Variants in DAAM2 observed in about 807,000 individuals in gnomAD.
The protein encoded by DAAM2 is dishevelled associated activator of morphogenesis 2.
A neutral mutation model predicts 120.7 loss-of-function variants in DAAM2; 39 were observed. That is an observed-to-expected ratio of 0.32 (90% CI 0.25 to 0.42). DAAM2 has a LOEUF of 0.42. Ranked by LOEUF, DAAM2 falls within the 10% of genes least tolerant of loss-of-function variation. The pLI is 1.00. For missense variants in DAAM2, 1,283 were observed against 1,401.7 expected, an observed-to-expected ratio of 0.92 and a Z score of 1.35; for synonymous variants, 488 against 524.9, an observed-to-expected ratio of 0.93 and a Z score of 0.96.
At chr6:39,879,866 A>G (rs1227976275) in intron 14 of DAAM2, 1 of 352,482 alleles carries the variant, frequency 2.8e-6, no homozygotes, top group Non-Finnish European at 5.4e-6. Flanking sequence ...GATCAGGACA[A>G]TGTATACAAA....
chr6:39,849,046 T>C (rs951939565), intron 1 of DAAM2: 1 of 152,212 alleles, frequency 6.6e-6, no homozygotes, highest in Non-Finnish European at 1.5e-5. Context: ...GTACGATATA[T>C]TAAGTGGAAT....
intron 15 of DAAM2, chr6:39,885,197 T>C (rs1765321892): frequency 6.6e-6 from 1 of 152,214 alleles, no homozygotes; most frequent in Non-Finnish European, 1.5e-5. Flanking sequence ...ATGCAGCCGC[T>C]CCTAGGGCTC....
intron 1 of DAAM2, 44 bp from the exon 2 acceptor site, chr6:39,856,201 ATC>A (rs1763994544): frequency 1.5e-6 from 2 of 1,335,514 alleles, no homozygotes; most frequent in Middle Eastern, 2.8e-4. Flanking sequence ...GCCCTGGCCT[ATC>A]TGACTGTATG....
intron 19 of DAAM2, among the ~76,000 whole-genome samples, chr6:39,894,118 G>C (rs569916485): frequency 6.6e-6 from 1 of 152,046 alleles, no homozygotes; most frequent in Non-Finnish European, 1.5e-5. Context: ...GATGAATATG[G>C]TTGCAAATGT....
chr6:39,875,735 A>T (rs145407629), intron 11 of DAAM2, among the ~76,000 whole-genome samples: 1 of 152,312 alleles, frequency 6.6e-6, no homozygotes, highest in African/African-American at 2.4e-5. Context: ...TTTCATTTAA[A>T]TTTCAATAGC....
intron 1 of DAAM2, among the ~76,000 whole-genome samples, chr6:39,840,707 G>A (rs539363696): frequency 2.0e-5 from 3 of 152,152 alleles, no homozygotes; most frequent in Non-Finnish European, 4.4e-5. Flanking sequence ...CAGACATCCA[G>A]GGTCTGCACC....
At chr6:39,836,157 C>G (rs1284273638) in intron 1 of DAAM2, among the ~76,000 whole-genome samples, 1 of 152,130 alleles carries the variant, frequency 6.6e-6, no homozygotes, top group Non-Finnish European at 1.5e-5. Flanking sequence ...CAGACCTCCC[C>G]CCTGTGCAGA....
At chr6:39,818,721 T>C (rs1762388967) in intron 1 of DAAM2, 1 of 152,240 alleles carries the variant, frequency 6.6e-6, no homozygotes, top group Non-Finnish European at 1.5e-5. Flanking sequence ...AAGTATGCCT[T>C]GCAATTAATT....
chr6:39,867,897 C>T (rs1764496773), intron 6 of DAAM2, 54 bp downstream of exon 6: 1 of 1,430,790 alleles, frequency 7.0e-7, no homozygotes, highest in African/African-American at 1.4e-5. Flanking sequence ...GAGGATGTCA[C>T]ATGTGAGTGA....
chr6:39,901,456 C>T lies in DAAM2; in HGVS notation c.2966C>T (p.Ala989Val), dbSNP rs755311083. 1.1e-4 allele frequency: 170 copies of T among 1,607,974 alleles called. 1 individual carries two copies. The highest frequency in any genetic ancestry group is 5.2e-4 in the Middle Eastern group (3 of 5,788). The change falls in exon 24 of 25, where the codon GCG becomes GTG. Residue 989 changes from alanine (A) to valine (V), a missense_variant. Physicochemically the swap from Ala to Val is moderately conservative, Grantham distance 64. Transcript: ENST00000274867. The surrounding 1 kb of genome is among the most constrained non-coding windows in gnomAD (Gnocchi z 4.5). ...RRRKEEEERR[A>V]RMEAMLKEQR... Reference sequence around the variant, plus strand: ...AGGAAGGAGGAGGAGGAGCGGCGGGCGCGCATGGAAGCCATGGTGAGGGGC... The same window carrying T: ...AGGAAGGAGGAGGAGGAGCGGCGGGTGCGCATGGAAGCCATGGTGAGGGGC...
At chr6:39,806,246 C>T (rs1762006725) in intron 1 of DAAM2, among the ~76,000 whole-genome samples, 1 of 152,190 alleles carries the variant, frequency 6.6e-6, no homozygotes, top group African/African-American at 2.4e-5. Context: ...TAGGATGCCT[C>T]TTTCTCATTT....
rs775260776 is a variant in DAAM2, at chr6:39,879,545, C to G, written c.1845+68C>G. The G allele has an allele frequency of 8.8e-6, 14 of 1,598,834 alleles. No individual in the cohort carries two copies. The East Asian group carries it at 2.9e-4, about 33-fold the overall frequency. On this transcript the variant is annotated intron_variant, in intron 14 of 24. Coordinates refer to ENST00000274867, the MANE Select transcript of DAAM2 (RefSeq NM_001201427.2). ...CAGGGCAGTCAGCCTCAGGGACCAC[C>G]CGCCCCTTGTTTACAGATCTCCACT...
Position 39,887,690 on chromosome 6 carries a change from C to T in DAAM2, c.2060+98C>T, listed in dbSNP as rs1473036081. The T allele has an allele frequency of 2.6e-5, 21 of 794,416 alleles. No individual in the cohort carries two copies. The Admixed American group carries it at 4.4e-4, about 17-fold the overall frequency. The allele number at this position is 794,416 out of a possible 1,614,324, so 49.2% of individuals were successfully genotyped here. A position where few individuals can be genotyped will look rare whatever the true frequency, so the allele number is the denominator to read the frequency against. On this transcript the variant is annotated intron_variant, in intron 16 of 24. Transcript: ENST00000274867. ...TCTCGGGCCTCTCCCTCTCTGCTGT[C>T]CCCTGGGAGGGGCAGGCATTGATCT...
chr6:39,900,948 GTTA>G (rs981740222), intron 23 of DAAM2, among the ~76,000 whole-genome samples: 15 of 152,218 alleles, frequency 9.9e-5, no homozygotes, highest in African/African-American at 3.4e-4. Context: ...GCACAGAGGG[GTTA>G]TTAACATAAC....
chr6:39,806,308 A>G (rs1222702110), intron 1 of DAAM2, among the ~76,000 whole-genome samples: 1 of 152,180 alleles, frequency 6.6e-6, no homozygotes, highest in East Asian at 1.9e-4. Context: ...CAGGTATGTT[A>G]TTAGAGGAGC....
intron 21 of DAAM2, among the ~76,000 whole-genome samples, 181 bp from the exon 22 acceptor site, chr6:39,898,696 C>G (rs1374781005): frequency 6.6e-6 from 1 of 152,240 alleles, no homozygotes; most frequent in East Asian, 1.9e-4. Context: ...GATGCACAGA[C>G]AGAGGCATGA....
intron 1 of DAAM2, among the ~76,000 whole-genome samples, chr6:39,807,188 C>CAAA (rs11312011): frequency 2.6e-5 from 3 of 115,848 alleles, no homozygotes; most frequent in Non-Finnish European, 6.1e-5. Context: ...TAGAACACAG[C>CAAA]AAAAAAAAAA....
chr6:39,870,118 TG>T (rs1178519147), intron 7 of DAAM2, among the ~76,000 whole-genome samples: 1 of 152,052 alleles, frequency 6.6e-6, no homozygotes, highest in African/African-American at 2.4e-5. Flanking sequence ...TTGAAGGAAG[TG>T]GGGCAGGAGA....
chr6:39,868,671 G>A (rs2149309277), intron 6 of DAAM2, 152 bp from the exon 7 acceptor site: 2 of 618,966 alleles, frequency 3.2e-6, no homozygotes, highest in South Asian at 2.0e-5. Context: ...GTGAGGTTTG[G>A]GGCAGCCCAG....
Sources: gnomAD v4.1 joint callset for allele counts (sites outside exome capture counted in the v4.1 genomes callset) on GRCh38, gnomAD v4.1.1 for gene constraint, Gnocchi (gnomAD v3.1) non-coding constraint, MANE v1.5 for transcripts, NCBI Gene and HGNC (gene_info 2026-07-23, HGNC 2026-07-21) for gene names.